Variants in NLK observed in about 807,000 individuals in gnomAD.
The protein encoded by NLK is serine/threonine-protein kinase NLK.
In NLK, 11 loss-of-function variants were observed where a neutral mutation model predicts 59.0. The observed-to-expected ratio is 0.19, with a 90% confidence interval of 0.12 to 0.31. The LOEUF is 0.31. Among genes scored for constraint, NLK ranks in the 10% least tolerant of loss-of-function variants. The pLI, the probability that NLK is intolerant of heterozygous loss-of-function variation, is 1.00. For synonymous variants in NLK, 235 were observed against 235.9 expected, an observed-to-expected ratio of 1.00 and a Z score of 0.03; for missense variants, 410 against 661.1, an observed-to-expected ratio of 0.62 and a Z score of 4.16.
rs55913274 is a variant in NLK, at chr17:28,042,936, T to C, written c.63T>C (p.Ser21=). Reference sequence around the variant, plus strand: ...TGGCGGCTTACAATGGCGGTACATCTGCAGCAGCAGCAGGTCACCACCACC... The same window carrying C: ...TGGCGGCTTACAATGGCGGTACATCCGCAGCAGCAGCAGGTCACCACCACC... ...KMMAAYNGGT[S]AAAAGHHHHH... The change falls in exon 1 of 11, where the codon TCT becomes TCC. Residue 21 remains serine, a synonymous_variant. Coordinates refer to ENST00000407008, the MANE Select transcript of NLK (RefSeq NM_016231.5). The C allele has an allele frequency of 6.5e-7, 1 of 1,550,246 alleles. No homozygotes were observed. Among genetic ancestry groups the C allele is most frequent in the African/African-American group, 1.4e-5 (1 of 73,144 alleles).
chr17:28,043,322 G>A lies in NLK; in HGVS notation c.449G>A (p.Gly150Asp). ...AGACCTATTGGATATGGAGCCTTTGGTGTTGTCTGGTGAGTATCCAAAGAA... is the reference window on the plus strand; with the variant it reads ...AGACCTATTGGATATGGAGCCTTTGATGTTGTCTGGTGAGTATCCAAAGAA... ...PDRPIGYGAF[G>D]VVWSVTDPRD... Residue 150 changes from glycine to aspartate, a missense_variant, in exon 1 of 11, where the codon GGT becomes GAT. This residue lies in a region of NLK where 73 missense variants were observed against 197.2 expected (regional missense o/e 0.37). Coordinates refer to ENST00000407008, the MANE Select transcript of NLK (RefSeq NM_016231.5). 6.5e-7 allele frequency: 1 copy of A among 1,545,230 alleles called. No homozygotes were observed. The highest frequency in any genetic ancestry group is 8.7e-7 in the Non-Finnish European group (1 of 1,147,738).
intron 9 of NLK, 116 bp from the exon 10 acceptor site, chr17:28,192,004 G>C (rs1183298348): frequency 1.7e-6 from 1 of 586,432 alleles, no homozygotes; most frequent in African/African-American, 1.9e-5. Flanking sequence ...GTGTGTGTTT[G>C]ATTTAACTAA....
intron 3 of NLK, among the ~76,000 whole-genome samples, chr17:28,157,014 TG>T (rs2142044030): frequency 6.6e-6 from 1 of 152,166 alleles, no homozygotes; most frequent in Non-Finnish European, 1.5e-5. Context: ...GTGATAGTTG[TG>T]GGGGGTTTTG....
At chr17:28,167,494 C>T (rs1908286584) in intron 5 of NLK, among the ~76,000 whole-genome samples, 1 of 151,820 alleles carries the variant, frequency 6.6e-6, no homozygotes, top group Admixed American at 6.6e-5. Flanking sequence ...CCTCTCAATC[C>T]CTGGGATTAC....
intron 1 of NLK, among the ~76,000 whole-genome samples, chr17:28,061,360 CTTAG>C (rs1349721010): frequency 6.6e-6 from 1 of 152,002 alleles, no homozygotes; most frequent in Non-Finnish European, 1.5e-5. Context: ...TTTCTGCTGC[CTTAG>C]TTATGTATGA....
At chr17:28,172,723 A>T in intron 7 of NLK, 105 bp downstream of exon 7, 1 of 531,664 alleles carries the variant, frequency 1.9e-6, no homozygotes, top group Non-Finnish European at 3.0e-6. Flanking sequence ...TATTATCTGT[A>T]GGATTTTTTT....
At chr17:28,043,415 C>T (rs1274132820) in intron 1 of NLK, 84 bp downstream of exon 1, 1 of 1,218,476 alleles carries the variant, frequency 8.2e-7, no homozygotes, top group Non-Finnish European at 1.1e-6. Flanking sequence ...TGGTTGTCTC[C>T]ATGTTGACCA....
intron 2 of NLK, among the ~76,000 whole-genome samples, chr17:28,130,120 A>G (rs1178731350): frequency 4.6e-5 from 7 of 152,190 alleles, no homozygotes; most frequent in Non-Finnish European, 7.3e-5. Context: ...TCAACTCTTT[A>G]TAAGCCAAAG....
intron 1 of NLK, among the ~76,000 whole-genome samples, chr17:28,071,527 C>T (rs534449005): frequency 6.6e-5 from 10 of 151,306 alleles, no homozygotes; most frequent in African/African-American, 2.4e-4. Context: ...TGGGAGCTTG[C>T]ATTTTAGAGG....
intron 1 of NLK, among the ~76,000 whole-genome samples, chr17:28,113,233 C>T (rs1469181684): frequency 1.3e-5 from 2 of 152,138 alleles, no homozygotes; most frequent in Non-Finnish European, 2.9e-5. Flanking sequence ...GACCACCATT[C>T]AAGTGAGATA....
At chr17:28,135,133 C>T (rs1290273811) in intron 3 of NLK, among the ~76,000 whole-genome samples, 1 of 152,204 alleles carries the variant, frequency 6.6e-6, no homozygotes, top group Non-Finnish European at 1.5e-5. Context: ...AGTACTGTTT[C>T]TGTCTCTTTG....
At position 28,151,504 on chromosome 17, in the gene NLK, T is replaced by C. The variant is rs201980509; in HGVS notation, c.645-9656T>C. On this transcript the variant is annotated intron_variant, in intron 3 of 10. Coordinates refer to ENST00000407008, the MANE Select transcript of NLK (RefSeq NM_016231.5). Reference sequence around the variant, plus strand: ...TAAACTAAAGGTTGACAAAACGTATTCTCTGCAAAGTGGCTGTTTTAATCA... The same window carrying C: ...TAAACTAAAGGTTGACAAAACGTATCCTCTGCAAAGTGGCTGTTTTAATCA... Among the ~76,000 whole-genome samples the C allele has an allele frequency of 2.8e-4, 43 of 152,342 alleles. 1 individual carries two copies. In the East Asian group the frequency reaches 7.3e-3, roughly 26 times the overall value.
intron 1 of NLK, among the ~76,000 whole-genome samples, chr17:28,096,437 G>A (rs1325144246): frequency 6.6e-6 from 1 of 152,120 alleles, no homozygotes; most frequent in African/African-American, 2.4e-5. Flanking sequence ...CAAAAATGAA[G>A]TGTTCTTGTA....
chr17:28,150,021 T>C (rs912674965), intron 3 of NLK, among the ~76,000 whole-genome samples: 7 of 152,186 alleles, frequency 4.6e-5, no homozygotes, highest in African/African-American at 1.4e-4. Context: ...CTTTTAATAG[T>C]AAACAAATTG....
At chr17:28,137,482 A>G (rs1262958539) in intron 3 of NLK, among the ~76,000 whole-genome samples, 1 of 152,174 alleles carries the variant, frequency 6.6e-6, no homozygotes, top group Non-Finnish European at 1.5e-5. Context: ...ATTGGGATAT[A>G]TATCACATAT....
chr17:28,121,468 T>G (rs1906048178), intron 1 of NLK, among the ~76,000 whole-genome samples: 1 of 150,728 alleles, frequency 6.6e-6, no homozygotes, highest in Admixed American at 6.6e-5. Flanking sequence ...ATACTCAATT[T>G]ATTGGTATTT....
chr17:28,164,885 A>G (rs118061077), intron 5 of NLK, among the ~76,000 whole-genome samples: 2,309 of 152,302 alleles, frequency 0.015, 16 homozygotes, highest in Non-Finnish European at 0.022. Context: ...ACTGTAGGTC[A>G]GTTCTCTTGA....
chr17:28,134,589 C>T (rs1906658859), intron 3 of NLK, among the ~76,000 whole-genome samples: 1 of 152,162 alleles, frequency 6.6e-6, no homozygotes, highest in African/African-American at 2.4e-5. Flanking sequence ...TTGGTATCCT[C>T]CAAGGGTCCT....
intron 1 of NLK, among the ~76,000 whole-genome samples, chr17:28,107,717 T>G (rs930155224): frequency 6.6e-6 from 1 of 152,158 alleles, no homozygotes; most frequent in Non-Finnish European, 1.5e-5. Flanking sequence ...GTCAAACTAT[T>G]AATATAATCC....
Sources: gnomAD v4.1 joint callset for allele counts (sites outside exome capture counted in the v4.1 genomes callset) on GRCh38, gnomAD v4.1.1 for gene constraint, gnomAD v4.1.1 regional missense constraint, MANE v1.5 for transcripts, NCBI Gene and HGNC (gene_info 2026-07-23, HGNC 2026-07-21) for gene names.